The following ABCB9 variants were observed in gnomAD, a reference collection of about 807,000 sequenced individuals.
The protein encoded by ABCB9 is ABC-type oligopeptide transporter ABCB9.
A neutral mutation model predicts 62.0 loss-of-function variants in ABCB9; 36 were observed. The observed-to-expected ratio is 0.58, with a 90% CI of 0.45 to 0.77. The LOEUF is 0.77. Ranked by LOEUF, ABCB9 falls within the 30% of genes least tolerant of loss-of-function variation. The pLI is 0.00. For synonymous variants in ABCB9, 435 were observed against 461.4 expected, an observed-to-expected ratio of 0.94 and a Z score of 0.73; for missense variants, 943 against 1,054.7, an observed-to-expected ratio of 0.89 and a Z score of 1.47.
intron 9 of ABCB9, among the ~76,000 whole-genome samples, chr12:122,938,057 G>A (rs1164450716): frequency 1.3e-5 from 2 of 152,168 alleles, no homozygotes; most frequent in Admixed American, 1.3e-4. Flanking sequence ...ATAACCACCT[G>A]GGGATAGCTG....
In ABCB9 at chr12:122,940,967, A is replaced by C. The variant is rs1298903063; in HGVS notation, c.1409T>G (p.Met470Arg). 3 of 1,611,894 alleles carry C rather than the reference A, an allele frequency of 1.9e-6. No individual in the cohort carries two copies. The highest frequency in any genetic ancestry group is 2.5e-6 in the Non-Finnish European group (3 of 1,178,722). The change falls in exon 8 of 12, where the codon ATG (methionine) becomes AGG (arginine). Residue 470 changes from methionine (M) to arginine (R), a missense_variant. Coordinates refer to ENST00000280560, the MANE Select transcript of ABCB9 (RefSeq NM_019625.4). The surrounding 1 kb of genome is among the most constrained non-coding windows in gnomAD (Gnocchi z 4.8). ...CTTCTCAGCAGCCCCCACTCCCTGC[A>C]TCAGGCCACTGTAGACGGAGCCCAC... ...ESVGSVYSGL[M>R]QGVGAAEKVF...
At chr12:122,950,006 G>T in intron 3 of ABCB9, 88 bp from the exon 4 acceptor site, 1 of 1,570,956 alleles carries the variant, frequency 6.4e-7, no homozygotes, top group Admixed American at 1.7e-5. Flanking sequence ...CGGCAGGCCT[G>T]GGAGCCCCAC....
At chr12:122,926,615 G>A (rs951067484), downstream of ABCB9, among the ~76,000 whole-genome samples, 4 of 152,024 alleles carry the variant, frequency 2.6e-5, no homozygotes, top group Non-Finnish European at 5.9e-5. Context: ...CTAGCTGGGC[G>A]TGGTGGCTCA....
rs548886849 is a variant in ABCB9, at chr12:122,944,371, C to G, written c.1380+20G>C. Reference sequence around the variant, plus strand: ...AACTCCTCCCTTCTCTCTGGATCCCCGGACACACTGGCCTCTCACCTCCAT... The same window carrying G: ...AACTCCTCCCTTCTCTCTGGATCCCGGGACACACTGGCCTCTCACCTCCAT... On this transcript the variant is annotated intron_variant, in intron 7 of 11. Coordinates refer to ENST00000280560, the MANE Select transcript of ABCB9 (RefSeq NM_019625.4). The surrounding 1 kb of genome is among the most constrained non-coding windows in gnomAD (Gnocchi z 4.9). 1 of 1,608,116 alleles carries G rather than the reference C, an allele frequency of 6.2e-7. No individual in the cohort carries two copies. The highest frequency in any genetic ancestry group is 1.7e-5 in the Admixed American group (1 of 59,762).
rs555276811 is a variant in ABCB9 at position 122,965,659 on chromosome 12, T to C, written c.-88+628A>G. On this transcript the variant is annotated intron_variant, in intron 1 of 11. Transcript: ENST00000280560. ...CCCTGCACTATCCGGAAAAGGGGAA[T>C]GGGCAGAGGCGGGGATCCTGTCAGC... Among the ~76,000 whole-genome samples the C allele has an allele frequency of 2.6e-5, 4 of 152,008 alleles. No homozygotes were observed. The East Asian group carries it at 7.8e-4, about 29-fold the overall frequency.
intron 11 of ABCB9, among the ~76,000 whole-genome samples, chr12:122,921,221 C>A (rs2034739021): frequency 6.6e-6 from 1 of 151,576 alleles, no homozygotes; most frequent in Non-Finnish European, 1.5e-5. Flanking sequence ...GTAAGACCAG[C>A]CTAGGCAACA....
rs139514991 is a variant in ABCB9 at position 122,946,099 on chromosome 12, G to A, written c.1177C>T (p.Arg393Trp). 95 of 1,614,004 alleles carry A rather than the reference G, an allele frequency of 5.9e-5. No individual in the cohort carries two copies. The highest frequency in any genetic ancestry group is 1.6e-4 in the Middle Eastern group (1 of 6,062). The change falls in exon 6 of 12, where the codon CGG (arginine) becomes TGG (tryptophan). Residue 393 changes from arginine to tryptophan, a missense_variant. Transcript: ENST00000280560. ...AGCTTGTACACCTGCTGCAGCTTCC[G>A]CAGGTACACCTCTGCCTCCTCCTCC... ...NEEEEAEVYL[R>W]KLQQVYKLNR...
Position 122,944,689 on chromosome 12 carries a change from C to T in ABCB9, c.1252-170G>A, listed in dbSNP as rs372275004. On this transcript the variant is annotated intron_variant, in intron 6 of 11. Transcript: ENST00000280560. The surrounding 1 kb of genome is among the most constrained non-coding windows in gnomAD (Gnocchi z 4.9). ...CCAAGGCTTGTCACTCATGCCTTCCCCTGCCCCGAGCATTTCCCTACAGAG... is the reference window on the plus strand; with the variant it reads ...CCAAGGCTTGTCACTCATGCCTTCCTCTGCCCCGAGCATTTCCCTACAGAG... 194 of 896,240 alleles carry T rather than the reference C, an allele frequency of 2.2e-4. No homozygotes were observed. Among genetic ancestry groups the T allele is most frequent in the East Asian group, 1.7e-3 (60 of 35,444 alleles). The allele number at this position is 896,240 out of a possible 1,614,324, so 55.5% of individuals were successfully genotyped here.
chr12:122,940,231 C>A lies in ABCB9; in HGVS notation c.1623G>T (p.Ser541=). 6.2e-7 allele frequency: 1 copy of A among 1,611,610 alleles called. No individual in the cohort carries two copies. The highest frequency in any genetic ancestry group is 1.1e-5 in the South Asian group (1 of 90,798). ...TGACACAGGAGCTCTTCCCACTGCC[C>A]GAGGGCCCCACCAGGGCCGTCACCT... is the stretch of plus-strand genomic sequence containing the variant. ...PGKVTALVGP[S]GSGKSSCVNI... The change falls in exon 9 of 12, where the codon TCG becomes TCT. Residue 541 remains serine, a synonymous_variant. Coordinates refer to ENST00000280560, the MANE Select transcript of ABCB9 (RefSeq NM_019625.4). This position sits in a 1 kb window ranked among gnomAD's most constrained non-coding sequence, Gnocchi z 4.8.
At position 122,963,791 on chromosome 12, in the gene ABCB9, C is replaced by T. The variant is rs553461759; in HGVS notation, c.-88+2496G>A. ...CACCTCCAGGCACACCGAAGCCCAT[C>T]GCAGAGATGACAGTTGCTTAGTCAG... On this transcript the variant is annotated intron_variant, in intron 1 of 11. Transcript: ENST00000280560. Among the ~76,000 whole-genome samples the T allele has an allele frequency of 2.7e-4, 41 of 152,296 alleles. 1 individual carries two copies. Among genetic ancestry groups the T allele is most frequent in the African/African-American group, 9.9e-4 (41 of 41,560 alleles).
At chr12:122,935,507 G>A (rs970240682) in intron 9 of ABCB9, 76 bp from the exon 10 acceptor site, 118 of 1,523,858 alleles carry the variant, frequency 7.7e-5, no homozygotes, top group Non-Finnish European at 9.4e-5. Context: ...CTTGCTGCCT[G>A]GGGCCTGGAG....
At chr12:122,965,049 A>G (rs999414753) in intron 1 of ABCB9, among the ~76,000 whole-genome samples, 1 of 151,944 alleles carries the variant, frequency 6.6e-6, no homozygotes. Context: ...TGCAACAGAG[A>G]CCCTTCACCG....
Position 122,959,991 on chromosome 12 carries a change from G to A in ABCB9, c.245C>T (p.Ser82Leu), listed in dbSNP as rs779914220. 2 of 1,613,286 alleles carry A rather than the reference G, an allele frequency of 1.2e-6. No homozygotes were observed. Residue 82 changes from serine to leucine, a missense_variant, in exon 2 of 12, where the codon TCG becomes TTG. Coordinates refer to ENST00000280560, the MANE Select transcript of ABCB9 (RefSeq NM_019625.4). This position sits in a 1 kb window ranked among gnomAD's most constrained non-coding sequence, Gnocchi z 5.4. The part of the protein sequence containing the change: ...SALGPRRLRA[S>L]WLVITLVCLF... ...GCACACGAGGGTGATGACCAGCCAC[G>A]AGGCCCGCAGCCGCCGGGGCCCCAG...
chr12:122,923,991 G>A (rs946704469), intron 11 of ABCB9, among the ~76,000 whole-genome samples: 52 of 152,196 alleles, frequency 3.4e-4, no homozygotes, highest in Admixed American at 1.3e-4. Flanking sequence ...AAGGTGCTTT[G>A]TGCACATCTT....
chr12:122,923,531 C>A (rs1427826338), intron 11 of ABCB9, among the ~76,000 whole-genome samples: 1 of 152,080 alleles, frequency 6.6e-6, no homozygotes, highest in Non-Finnish European at 1.5e-5. Context: ...CCTCGTGATC[C>A]GCCCGCCTTG....
intron 9 of ABCB9, among the ~76,000 whole-genome samples, chr12:122,937,975 T>C (rs1226056392): frequency 6.6e-6 from 1 of 152,202 alleles, no homozygotes; most frequent in African/African-American, 2.4e-5. Flanking sequence ...GTACTGGAGA[T>C]GACCTAAATG....
At chr12:122,950,871 G>C (rs1032135621) in intron 2 of ABCB9, 6 of 305,170 alleles carry the variant, frequency 2.0e-5, no homozygotes, top group African/African-American at 1.3e-4. Flanking sequence ...TTGAGACAGG[G>C]TCTCGCTGTG....
In ABCB9 at chr12:122,947,696, CAGA is replaced by C. The variant is rs919191422; in HGVS notation, c.1053+925_1053+927del. The stretch of plus-strand genomic sequence containing the variant: ...CTGGCTCACGGCCCTAGCTCGGAAG[CAGA>C]AGCAGTGCCGTGGGGTGGCCAGAGG... On this transcript the variant is annotated intron_variant, in intron 5 of 11. Transcript: ENST00000280560. The surrounding 1 kb of genome is among the most constrained non-coding windows in gnomAD (Gnocchi z 6.0). 3.7e-6 allele frequency: 1 copy of C among 272,434 alleles called. No homozygotes were observed. The highest frequency in any genetic ancestry group is 2.2e-5 in the African/African-American group (1 of 45,394). 16.9% of individuals were successfully genotyped at this position (272,434 alleles called of 1,614,324 possible). A position where few individuals can be genotyped will look rare whatever the true frequency, so the allele number is the denominator to read the frequency against.
intron 7 of ABCB9, among the ~76,000 whole-genome samples, 198 bp from the exon 8 acceptor site, chr12:122,941,193 C>T (rs748517268): frequency 2.0e-5 from 3 of 152,104 alleles, no homozygotes; most frequent in Non-Finnish European, 4.4e-5. Context: ...AGCACTCTAC[C>T]GGCCATCCAG....
Sources: allele counts gnomAD v4.1 joint callset (sites outside exome capture counted in the v4.1 genomes callset), GRCh38; gene constraint gnomAD v4.1.1; non-coding constraint Gnocchi (gnomAD v3.1); transcripts MANE v1.5; gene names NCBI Gene and HGNC (gene_info 2026-07-23, HGNC 2026-07-21).